Variants in ARFGEF2 observed in about 807,000 individuals in gnomAD.
The protein encoded by ARFGEF2 is brefeldin A-inhibited guanine nucleotide-exchange protein 2.
A neutral mutation model predicts 219.9 loss-of-function variants in ARFGEF2; 74 were observed. The ratio of observed to expected loss-of-function variants is 0.34; its 90% confidence interval spans 0.28 to 0.41. The LOEUF (loss-of-function observed/expected upper bound fraction) is 0.41. Ranked by LOEUF, ARFGEF2 falls within the 10% of genes least tolerant of loss-of-function variation. The pLI is 1.00. For synonymous variants in ARFGEF2, 733 were observed against 799.2 expected (o/e 0.92, Z 1.40); for missense variants, 1,743 against 2,218.3 (o/e 0.79, Z 4.30).
At position 48,988,670 on chromosome 20, in the gene ARFGEF2, C is replaced by T. The variant is rs1600636855; in HGVS notation, c.2533+8C>T. On this transcript the variant is annotated splice_region_variant and intron_variant, in intron 18 of 38. Transcript: ENST00000371917. ...CCAAATCTACTAAGCAGAGTAAGGT[C>T]TAATGGCAAATTATTTCTTTTAGTT... is the stretch of plus-strand genomic sequence containing the variant. 4 of 1,610,838 alleles carry T rather than the reference C, an allele frequency of 2.5e-6. No homozygotes were observed. The East Asian group carries it at 8.9e-5, about 36-fold the overall frequency.
chr20:48,950,316 A>G lies in ARFGEF2; in HGVS notation c.277-1007A>G, dbSNP rs574632884. 2.1e-4 allele frequency among the ~76,000 whole-genome samples: 32 copies of G among 152,188 alleles called. 1 individual carries two copies. The South Asian group carries it at 6.6e-3, about 32-fold the overall frequency. ...CAGGATTCAACGTTGAAAAAAATGA[A>G]AAGATGTACTACAGAGTGTCTTAGT... is the stretch of plus-strand genomic sequence containing the variant. On this transcript the variant is annotated intron_variant, in intron 3 of 38. Transcript: ENST00000371917.
At chr20:48,982,354 G>A (rs1188693797) in intron 14 of ARFGEF2, among the ~76,000 whole-genome samples, 1 of 152,134 alleles carries the variant, frequency 6.6e-6, no homozygotes, top group African/African-American at 2.4e-5. Context: ...AAATATTGCT[G>A]CCTGATCCTT....
intron 14 of ARFGEF2, among the ~76,000 whole-genome samples, chr20:48,976,428 T>C (rs1041628692): frequency 3.9e-5 from 6 of 152,098 alleles, no homozygotes; most frequent in Admixed American, 1.3e-4. Context: ...CAGCCTTTTT[T>C]CCCCCCTTTT....
chr20:49,005,664 G>A (rs887533038), intron 26 of ARFGEF2, among the ~76,000 whole-genome samples: 3 of 150,210 alleles, frequency 2.0e-5, no homozygotes, highest in African/African-American at 7.4e-5. Context: ...CGTGAACTCA[G>A]GAGGCAGAGC....
chr20:48,980,053 A>G (rs1246634577), intron 14 of ARFGEF2, among the ~76,000 whole-genome samples: 2 of 151,600 alleles, frequency 1.3e-5, no homozygotes, highest in African/African-American at 4.9e-5. Flanking sequence ...TTGCTTCTCT[A>G]GTTCTTTTAA....
chr20:48,986,445 A>G (rs911053778), intron 16 of ARFGEF2, among the ~76,000 whole-genome samples: 1 of 152,046 alleles, frequency 6.6e-6, no homozygotes, highest in African/African-American at 2.4e-5. Context: ...CCTGGCCAAT[A>G]TGGTGAAATC....
chr20:48,979,172 T>C (rs2091280148), intron 14 of ARFGEF2, among the ~76,000 whole-genome samples: 2 of 152,036 alleles, frequency 1.3e-5, no homozygotes, highest in South Asian at 4.1e-4. Flanking sequence ...TTATTGAGAG[T>C]TTTTAGCATG....
intron 3 of ARFGEF2, among the ~76,000 whole-genome samples, chr20:48,950,801 AAAAAAAAAAAAT>A (rs2091061960): frequency 5.6e-5 from 2 of 35,444 alleles, no homozygotes; most frequent in Non-Finnish European, 1.1e-4. Flanking sequence ...GTCTAAAAAA[AAAAAAAAAAAAT>A]ATATATATAT....
intron 25 of ARFGEF2, among the ~76,000 whole-genome samples, chr20:49,003,424 G>A (rs940606806): frequency 2.0e-5 from 3 of 151,004 alleles, no homozygotes; most frequent in Non-Finnish European, 4.4e-5. Flanking sequence ...GGCCAACGTG[G>A]TGAAACCCCG....
intron 6 of ARFGEF2, among the ~76,000 whole-genome samples, chr20:48,962,735 T>C (rs1455625177): frequency 6.6e-6 from 1 of 152,224 alleles, no homozygotes; most frequent in African/African-American, 2.4e-5. Flanking sequence ...TTCCAGAGTG[T>C]TAAGTGCCCA....
chr20:49,018,938 A>G lies in ARFGEF2; in HGVS notation c.4564A>G (p.Arg1522Gly), dbSNP rs753818003. 6.2e-7 allele frequency: 1 copy of G among 1,614,082 alleles called. No individual in the cohort carries two copies. The highest frequency in any genetic ancestry group is 2.2e-5 in the East Asian group (1 of 44,876). ...CAGCATAGATAAAAATCCCTCTGAGAGGGGACAGAGCCAGCTCTCTAACCC... is the reference window on the plus strand; with the variant it reads ...CAGCATAGATAAAAATCCCTCTGAGGGGGGACAGAGCCAGCTCTCTAACCC... ...LSSIDKNPSE[R>G]GQSQLSNPTD... Residue 1522 changes from arginine to glycine, a missense_variant, in exon 34 of 39, where the codon AGG becomes GGG. By Grantham distance (125) the Arg-to-Gly change is moderately radical. Around this residue, in one of 5 missense-constraint regions of ARFGEF2, gnomAD observed 578 missense variants for 664.0 expected, o/e 0.87. Coordinates refer to ENST00000371917, the MANE Select transcript of ARFGEF2 (RefSeq NM_006420.3).
At chr20:48,969,081 C>G (rs1018349545) in intron 8 of ARFGEF2, 66 bp from the exon 9 acceptor site, 11 of 1,564,818 alleles carry the variant, frequency 7.0e-6, no homozygotes, top group Non-Finnish European at 9.6e-6. Context: ...CTGCCTCAGC[C>G]TCTGGAGTAG....
chr20:49,003,026 G>A (rs2091434870), intron 25 of ARFGEF2, among the ~76,000 whole-genome samples: 1 of 144,022 alleles, frequency 6.9e-6, no homozygotes, highest in Non-Finnish European at 1.5e-5. Flanking sequence ...GGAGTGCAGT[G>A]GCACCATTTT....
At chr20:48,992,911 A>G (rs570416335) in intron 21 of ARFGEF2, among the ~76,000 whole-genome samples, 22 of 152,134 alleles carry the variant, frequency 1.4e-4, no homozygotes, top group African/African-American at 5.3e-4. Flanking sequence ...TTAGCTAGGC[A>G]TGGTGGTTCA....
rs1172573484 is a variant in ARFGEF2, at chr20:48,991,065, C to T, written c.2840C>T (p.Ala947Val). 6.2e-7 allele frequency: 1 copy of T among 1,614,184 alleles called. No individual in the cohort carries two copies. The highest frequency in any genetic ancestry group is 1.1e-5 in the South Asian group (1 of 91,076). The change falls in exon 21 of 39, where the codon GCT becomes GTT. Residue 947 changes from alanine to valine, a missense_variant. Coordinates refer to ENST00000371917, the MANE Select transcript of ARFGEF2 (RefSeq NM_006420.3). ...MQLERDAYVQ[A>V]LARFSLLTAS... ...CTGGAACGAGATGCCTATGTTCAGG[C>T]TCTTGCTCGCTTCTCCCTACTCACA...
chr20:49,033,367 G>A lies in ARFGEF2; in HGVS notation c.*168G>A. ...TGTTCCATCACAGTCTCCAACTAAG[G>A]CTTATGGTATTTCATTAAACTGTTG... On this transcript the variant is annotated 3_prime_UTR_variant, in exon 39 of 39. Transcript: ENST00000371917. The A allele has an allele frequency of 7.1e-6, 5 of 703,148 alleles. No homozygotes were observed. In the South Asian group the frequency reaches 8.8e-5, roughly 12 times the overall value. The allele number at this position is 703,148 out of a possible 1,614,324, so 43.6% of individuals were successfully genotyped here.
At chr20:48,969,850 G>GA (rs1344409366) in intron 9 of ARFGEF2, among the ~76,000 whole-genome samples, 1 of 152,188 alleles carries the variant, frequency 6.6e-6, no homozygotes, top group Non-Finnish European at 1.5e-5. Context: ...AGCCTCATCT[G>GA]AAAAATGGGA....
chr20:48,940,653 C>T (rs1433795018), intron 1 of ARFGEF2, among the ~76,000 whole-genome samples: 1 of 152,212 alleles, frequency 6.6e-6, no homozygotes, highest in African/African-American at 2.4e-5. Flanking sequence ...TGATGTGCAA[C>T]AGTAGCCAAG....
At chr20:48,950,108 C>G (rs2091056054) in intron 3 of ARFGEF2, among the ~76,000 whole-genome samples, 1 of 152,124 alleles carries the variant, frequency 6.6e-6, no homozygotes, top group African/African-American at 2.4e-5. Context: ...TTTGAGGTTC[C>G]TTCCAGCTCT....
Sources: allele counts gnomAD v4.1 joint callset (sites outside exome capture counted in the v4.1 genomes callset), GRCh38; gene constraint gnomAD v4.1.1; regional missense constraint gnomAD v4.1.1; transcripts MANE v1.5; gene names NCBI Gene and HGNC (gene_info 2026-07-23, HGNC 2026-07-21).